Variants in PLXDC2 observed in about 807,000 individuals in gnomAD.
PLXDC2 encodes plexin domain-containing protein 2.
PLXDC2 carries 40 observed loss-of-function variants against 68.9 expected under a neutral mutation model. The ratio of observed to expected loss-of-function variants is 0.58; its 90% CI spans 0.45 to 0.76. The LOEUF is 0.76. Ranked by LOEUF, PLXDC2 falls within the 30% of genes least tolerant of loss-of-function variation. The probability of loss-of-function intolerance (pLI) is 0.00; values close to 1 mark genes in which losing one functional copy is unlikely to be tolerated. For missense variants in PLXDC2, 644 were observed against 661.9 expected, an observed-to-expected ratio of 0.97 and a Z score of 0.30; for synonymous variants, 243 against 234.2, an observed-to-expected ratio of 1.04 and a Z score of -0.34.
chr10:20,048,923 G>A (rs1835844893), intron 3 of PLXDC2, among the ~76,000 whole-genome samples: 1 of 152,052 alleles, frequency 6.6e-6, no homozygotes, highest in African/African-American at 2.4e-5. Flanking sequence ...TGACGTTGTT[G>A]CTTTTAACAC....
chr10:20,117,065 G>A (rs951881635), intron 4 of PLXDC2, among the ~76,000 whole-genome samples: 3 of 150,408 alleles, frequency 2.0e-5, no homozygotes, highest in Non-Finnish European at 4.4e-5. Context: ...AAAAAAAATA[G>A]TTCAGCAGTT....
At chr10:19,855,290 G>A (rs763054341) in intron 1 of PLXDC2, among the ~76,000 whole-genome samples, 1 of 152,138 alleles carries the variant, frequency 6.6e-6, no homozygotes, top group Non-Finnish European at 1.5e-5. Context: ...AAAGGCTGGT[G>A]TCATTTCAAA....
chr10:19,933,295 T>G (rs993883671), intron 1 of PLXDC2, among the ~76,000 whole-genome samples: 8 of 152,204 alleles, frequency 5.3e-5, no homozygotes, highest in Non-Finnish European at 1.0e-4. Context: ...AAAGTTAATT[T>G]CAACTACAGC....
chr10:19,835,167 TC>T (rs530743790), intron 1 of PLXDC2, among the ~76,000 whole-genome samples: 1 of 152,300 alleles, frequency 6.6e-6, no homozygotes, highest in East Asian at 1.9e-4. Context: ...TGTTGAATTC[TC>T]CCATGAAGTT....
At chr10:19,867,064 C>CTT (rs61651939) in intron 1 of PLXDC2, among the ~76,000 whole-genome samples, 1,503 of 124,684 alleles carry the variant, frequency 0.012, 21 homozygotes, top group African/African-American at 0.028. Flanking sequence ...TCCTTTCCCT[C>CTT]TTTTTTTTTT....
At chr10:19,993,189 G>T (rs1834779399) in intron 1 of PLXDC2, among the ~76,000 whole-genome samples, 1 of 152,034 alleles carries the variant, frequency 6.6e-6, no homozygotes, top group East Asian at 1.9e-4. Context: ...CATTAATACA[G>T]TTTTATTCTA....
chr10:20,224,801 T>G (rs889921625), intron 12 of PLXDC2, among the ~76,000 whole-genome samples: 3 of 152,238 alleles, frequency 2.0e-5, no homozygotes, highest in Non-Finnish European at 4.4e-5. Context: ...TTAAAGTTTC[T>G]TCTCTTTGAT....
In PLXDC2 at chr10:20,190,529, T is replaced by G. The variant is rs184053268; in HGVS notation, c.1061+13120T>G. ...AGTTAATGGGTGTAGCACACCAACA[T>G]GGCACATGTATACATATGTAACAAA... On this transcript the variant is annotated intron_variant, in intron 9 of 13. Coordinates refer to ENST00000377252, the MANE Select transcript of PLXDC2 (RefSeq NM_032812.9). 5.6e-3 allele frequency among the ~76,000 whole-genome samples: 851 copies of G among 151,822 alleles called. 14 individuals carry two copies. Among genetic ancestry groups the G allele is most frequent in the African/African-American group, 0.02 (826 of 41,460 alleles).
intron 2 of PLXDC2, among the ~76,000 whole-genome samples, chr10:20,011,174 G>A (rs528761856): frequency 1.4e-4 from 22 of 152,130 alleles, no homozygotes; most frequent in African/African-American, 4.8e-4. Flanking sequence ...TTTATATGTT[G>A]AACGAAGGGC....
At chr10:19,884,645 T>A in intron 1 of PLXDC2, among the ~76,000 whole-genome samples, 1 of 152,194 alleles carries the variant, frequency 6.6e-6, no homozygotes, top group Non-Finnish European at 1.5e-5. Context: ...AGAATGATGA[T>A]TTCCAATTTC....
At position 19,946,317 on chromosome 10, in the gene PLXDC2, T is replaced by C. The variant is rs575946110; in HGVS notation, c.113-55458T>C. Among the ~76,000 whole-genome samples the C allele has an allele frequency of 2.0e-5, 3 of 152,262 alleles. No homozygotes were observed. In the East Asian group the frequency reaches 5.8e-4, roughly 29 times the overall value. On this transcript the variant is annotated intron_variant, in intron 1 of 13. Coordinates refer to ENST00000377252, the MANE Select transcript of PLXDC2 (RefSeq NM_032812.9). The stretch of plus-strand genomic sequence containing the variant: ...TAATATTCAATACTCTCTATAACTT[T>C]TCTTTCTGGCTTCAGCTTCCACTCT...
At chr10:20,028,741 G>T (rs890015815) in intron 2 of PLXDC2, among the ~76,000 whole-genome samples, 11 of 152,118 alleles carry the variant, frequency 7.2e-5, no homozygotes, top group Non-Finnish European at 1.6e-4. Flanking sequence ...TGGTAACCCA[G>T]TATGAGCTAT....
At chr10:20,272,347 A>C (rs2119384222) in intron 13 of PLXDC2, among the ~76,000 whole-genome samples, 1 of 152,324 alleles carries the variant, frequency 6.6e-6, no homozygotes, top group East Asian at 1.9e-4. Context: ...TTTCTGTCTT[A>C]GACCAGGAGG....
chr10:20,237,291 A>G (rs936669315), intron 12 of PLXDC2, among the ~76,000 whole-genome samples: 6 of 152,206 alleles, frequency 3.9e-5, no homozygotes, highest in African/African-American at 1.4e-4. Context: ...CACCTTGTAT[A>G]ATAGTTTCAA....
intron 2 of PLXDC2, among the ~76,000 whole-genome samples, chr10:20,026,680 C>T (rs1835409730): frequency 6.6e-6 from 1 of 151,922 alleles, no homozygotes; most frequent in Non-Finnish European, 1.5e-5. Flanking sequence ...GAGCAGATAC[C>T]ACAAATTAGC....
chr10:20,203,334 A>T (rs904882583), intron 9 of PLXDC2, among the ~76,000 whole-genome samples: 1 of 150,040 alleles, frequency 6.7e-6, no homozygotes, highest in African/African-American at 2.5e-5. Flanking sequence ...TCTGTTGGCC[A>T]GGCTGGGGTG....
chr10:20,275,248 G>C (rs1271797559), intron 13 of PLXDC2, among the ~76,000 whole-genome samples: 2 of 151,940 alleles, frequency 1.3e-5, no homozygotes, highest in Non-Finnish European at 2.9e-5. Flanking sequence ...AGAGACCTTA[G>C]AAAATCATCA....
At chr10:20,258,752 A>G (rs1835774329) in intron 13 of PLXDC2, among the ~76,000 whole-genome samples, 1 of 152,188 alleles carries the variant, frequency 6.6e-6, no homozygotes, top group Non-Finnish European at 1.5e-5. Flanking sequence ...TCACGCCTGT[A>G]ATCCCAGCAC....
At chr10:19,905,957 A>G (rs916042731) in intron 1 of PLXDC2, among the ~76,000 whole-genome samples, 1 of 151,978 alleles carries the variant, frequency 6.6e-6, no homozygotes, top group Non-Finnish European at 1.5e-5. Flanking sequence ...AATCTGTTAT[A>G]TATCTGGGCC....
Sources: allele counts gnomAD v4.1 joint callset (sites outside exome capture counted in the v4.1 genomes callset), GRCh38; gene constraint gnomAD v4.1.1; transcripts MANE v1.5; gene names NCBI Gene and HGNC (gene_info 2026-07-23, HGNC 2026-07-21).